The following SAFB variants were observed in gnomAD, a reference collection of about 807,000 sequenced individuals.
The protein encoded by SAFB is scaffold attachment factor B1.
In SAFB, 15 loss-of-function variants were observed where a neutral mutation model predicts 101.6. The observed-to-expected ratio is 0.15, with a 90% CI of 0.10 to 0.23. The LOEUF (loss-of-function observed/expected upper bound fraction) is 0.23. Ranked by LOEUF, SAFB falls within the 10% of genes least tolerant of loss-of-function variation. The pLI is 1.00. For synonymous variants in SAFB, 449 were observed against 407.5 expected (o/e 1.10, Z -1.23); for missense variants, 930 against 1,104.1 (o/e 0.84, Z 2.23).
rs1029673845 is a variant in SAFB at position 5,665,894 on chromosome 19, G to A, written c.2335-1152G>A. On this transcript the variant is annotated intron_variant, in intron 17 of 20. Transcript: ENST00000588852. ...TTTCAGGAGTCCCTTTTCTTACTTTGTTGAGGGGAGGCATCAGAGCACATG... is the reference window on the plus strand; with the variant it reads ...TTTCAGGAGTCCCTTTTCTTACTTTATTGAGGGGAGGCATCAGAGCACATG... 2.6e-5 allele frequency: 4 copies of A among 152,210 alleles called. 1 individual carries two copies. The highest frequency in any genetic ancestry group is 7.2e-5 in the African/African-American group (3 of 41,438). 9.4% of individuals were successfully genotyped at this position (152,210 alleles called of 1,614,324 possible).
At chr19:5,654,913 T>C (rs751654390) in intron 13 of SAFB, among the ~76,000 whole-genome samples, 2 of 152,218 alleles carry the variant, frequency 1.3e-5, no homozygotes, top group Non-Finnish European at 2.9e-5. Flanking sequence ...TATCCTTACT[T>C]TTGCTCTGAT....
intron 9 of SAFB, 106 bp from the exon 10 acceptor site, chr19:5,653,009 A>G: frequency 1.8e-6 from 2 of 1,133,746 alleles, no homozygotes; most frequent in South Asian, 1.4e-5. Context: ...CCAGTCTAAC[A>G]CTTGTCGGAC....
rs1253097033 is a variant in SAFB at position 5,654,053 on chromosome 19, T to A, written c.1527-8T>A. 1 of 1,613,902 alleles carries A rather than the reference T, an allele frequency of 6.2e-7. No individual in the cohort carries two copies. Among genetic ancestry groups the A allele is most frequent in the Non-Finnish European group, 8.5e-7 (1 of 1,179,912 alleles). On this transcript the variant is annotated splice_region_variant and splice_polypyrimidine_tract_variant and intron_variant, in intron 11 of 20. Coordinates refer to ENST00000588852, the MANE Select transcript of SAFB (RefSeq NM_001201338.2). ...ACCACGCCCAGCCAACATGTCTGTT[T>A]TTTATAGATCTACAAACCTTAAGAG...
At chr19:5,657,562 G>A (rs542201653) in intron 14 of SAFB, among the ~76,000 whole-genome samples, 1 of 152,112 alleles carries the variant, frequency 6.6e-6, no homozygotes, top group South Asian at 2.1e-4. Context: ...GAGTCTTGCT[G>A]TGTCGCGCCC....
intron 2 of SAFB, among the ~76,000 whole-genome samples, chr19:5,636,181 CT>C (rs1057475965): frequency 5.9e-5 from 9 of 151,974 alleles, no homozygotes; most frequent in Non-Finnish European, 1.2e-4. Context: ...AACCCTGATT[CT>C]GTTTGATGAA....
chr19:5,641,688 G>C (rs1302194209), intron 3 of SAFB, 30 bp downstream of exon 3: 3 of 1,613,418 alleles, frequency 1.9e-6, no homozygotes, highest in African/African-American at 1.3e-5. Flanking sequence ...TGAGTAGCGT[G>C]GTGGATGGAC....
At chr19:5,662,606 C>G (rs1015398637) in intron 15 of SAFB, among the ~76,000 whole-genome samples, 1 of 151,676 alleles carries the variant, frequency 6.6e-6, no homozygotes. Context: ...TAGAGAGCGC[C>G]ACACGTGCCC....
chr19:5,659,021 T>C, intron 14 of SAFB, among the ~76,000 whole-genome samples: 1 of 150,982 alleles, frequency 6.6e-6, no homozygotes, highest in East Asian at 2.0e-4. Flanking sequence ...GGTGCGTGCC[T>C]GTAATCCCAG....
chr19:5,639,589 C>T (rs1322470837), intron 2 of SAFB, among the ~76,000 whole-genome samples: 2 of 150,046 alleles, frequency 1.3e-5, no homozygotes, highest in African/African-American at 4.9e-5. Context: ...GCTACTCAGG[C>T]GGCTGAGGCA....
intron 14 of SAFB, among the ~76,000 whole-genome samples, chr19:5,658,451 G>A (rs1314180000): frequency 2.6e-5 from 4 of 152,196 alleles, no homozygotes; most frequent in Admixed American, 6.5e-5. Flanking sequence ...TCAGCACTTC[G>A]GGAGGCCGAG....
In SAFB at chr19:5,653,339, C is replaced by T; in HGVS notation, c.1445C>T (p.Ala482Val). Reference sequence around the variant, plus strand: ...GTAATACTTGATTCTCTTTTTCAGGCCAAAAATGAACCTGTGGGAAAGAAA... The same window carrying T: ...GTAATACTTGATTCTCTTTTTCAGGTCAAAAATGAACCTGTGGGAAAGAAA... ...LHGKMISVEK[A>V]KNEPVGKKTS... The change falls in exon 11 of 21, where the codon GCC becomes GTC. Residue 482 changes from alanine (A) to valine (V), a missense_variant and splice_region_variant. By Grantham distance (64) the Ala-to-Val change is moderately conservative. Around this residue, in one of 7 missense-constraint regions of SAFB, gnomAD observed 92 missense variants for 83.8 expected, o/e 1.10. Transcript: ENST00000588852. The T allele has an allele frequency of 1.2e-6, 2 of 1,613,890 alleles. No individual in the cohort carries two copies. Among genetic ancestry groups the T allele is most frequent in the Non-Finnish European group, 1.7e-6 (2 of 1,179,972 alleles).
intron 2 of SAFB, among the ~76,000 whole-genome samples, chr19:5,637,023 C>T (rs1646447843): frequency 6.6e-6 from 1 of 150,496 alleles, no homozygotes; most frequent in African/African-American, 2.4e-5. Context: ...TTCCTTAATA[C>T]TGCTTGAAAC....
chr19:5,667,368 C>T lies in SAFB; in HGVS notation c.2475C>T (p.Asp825=). The part of the protein sequence containing the change: ...PPPRGRRDWG[D]HGRREDDRSW... ...CAAGGGGCAGACGTGACTGGGGGGA[C>T]CATGGCCGAAGAGAGGATGACCGGT... The change falls in exon 19 of 21, where the codon GAC becomes GAT. Residue 825 remains aspartate, a synonymous_variant. Transcript: ENST00000588852. This position sits in a 1 kb window ranked among gnomAD's most constrained non-coding sequence, Gnocchi z 4.0. 2 of 1,504,270 alleles carry T rather than the reference C, an allele frequency of 1.3e-6. No individual in the cohort carries two copies. Among genetic ancestry groups the T allele is most frequent in the Non-Finnish European group, 1.8e-6 (2 of 1,130,712 alleles). 93.2% of individuals were successfully genotyped at this position (1,504,270 alleles called of 1,614,324 possible). A position where few individuals can be genotyped will look rare whatever the true frequency, so the allele number is the denominator to read the frequency against.
At chr19:5,642,185 A>G in intron 4 of SAFB, 1 of 555,826 alleles carries the variant, frequency 1.8e-6, no homozygotes, top group South Asian at 1.7e-5. Context: ...TTTGAGGACA[A>G]CCATTCAGAC....
intron 15 of SAFB, among the ~76,000 whole-genome samples, chr19:5,663,367 CT>C (rs2054258489): frequency 6.6e-6 from 1 of 152,172 alleles, no homozygotes; most frequent in African/African-American, 2.4e-5. Context: ...CTGAGCATGG[CT>C]GCTGTGAGGA....
At chr19:5,661,322 G>C (rs2054196589) in intron 14 of SAFB, among the ~76,000 whole-genome samples, 196 bp from the exon 15 acceptor site, 1 of 151,214 alleles carries the variant, frequency 6.6e-6, no homozygotes, top group Non-Finnish European at 1.5e-5. Context: ...CACAGCCTGG[G>C]CCTCACTCCT....
intron 1 of SAFB, 101 bp downstream of exon 1, chr19:5,623,495 C>G: frequency 1.0e-6 from 1 of 979,034 alleles, no homozygotes; most frequent in Non-Finnish European, 1.5e-6. Flanking sequence ...GCCGCGTTCG[C>G]GGCCTCGCCG....
intron 5 of SAFB, among the ~76,000 whole-genome samples, chr19:5,647,122 A>G (rs571903852): frequency 5.9e-5 from 9 of 152,360 alleles, no homozygotes; most frequent in Middle Eastern, 6.8e-3. Flanking sequence ...CACAGGAAAC[A>G]TAAAGGCTGG....
rs754679790 is a variant in SAFB at position 5,649,416 on chromosome 19, G to A, written c.1065G>A (p.Arg355=). Residue 355 remains arginine, a synonymous_variant, in exon 7 of 21, where the codon AGG becomes AGA. Transcript: ENST00000588852. ...CCAGAGATAGCAAAGAAGACGGGAGGAAGTTTGATTTTGACGCTTGTAATG... is the reference window on the plus strand; with the variant it reads ...CCAGAGATAGCAAAGAAGACGGGAGAAAGTTTGATTTTGACGCTTGTAATG... ...PEARDSKEDG[R]KFDFDACNEV... 2.3e-4 allele frequency: 107 copies of A among 465,556 alleles called. 2 individuals carry two copies. The highest frequency in any genetic ancestry group is 2.3e-4 in the Non-Finnish European group (64 of 283,448). The allele number at this position is 465,556 out of a possible 1,614,324, so 28.8% of individuals were successfully genotyped here.
Sources: allele counts gnomAD v4.1 joint callset (sites outside exome capture counted in the v4.1 genomes callset), GRCh38; gene constraint gnomAD v4.1.1; regional missense constraint gnomAD v4.1.1; non-coding constraint Gnocchi (gnomAD v3.1); transcripts MANE v1.5; gene names NCBI Gene and HGNC (gene_info 2026-07-23, HGNC 2026-07-21).